AKAP7: variants seen among roughly 807,000 people sequenced by gnomAD.
AKAP7 encodes A kinase (PRKA) anchor protein 7.
Under a neutral mutation model 39.5 loss-of-function variants are expected in AKAP7, and 39 were observed. That is an observed-to-expected ratio of 0.99 (90% CI 0.76 to 1.29). AKAP7 has a LOEUF of 1.29. Among genes scored for constraint, AKAP7 ranks in the 50% most tolerant of loss-of-function variants. The pLI, the probability that AKAP7 is intolerant of heterozygous loss-of-function variation, is 0.00. For synonymous variants in AKAP7, 140 were observed against 139.1 expected, an observed-to-expected ratio of 1.01 and a Z score of -0.05; for missense variants, 414 against 407.7, an observed-to-expected ratio of 1.02 and a Z score of -0.13.
chr6:131,269,705 A>C lies in AKAP7; in HGVS notation c.851-11825A>C, dbSNP rs1175211048. On this transcript the variant is annotated intron_variant, in intron 7 of 7. Transcript: ENST00000431975. ...CCAACTTAGTTTGTACTCTCTGAGC[A>C]GATTGGGGCAGATGATACCTGTCTG... is the stretch of plus-strand genomic sequence containing the variant. Among the ~76,000 whole-genome samples, 3 of 152,368 alleles carry C rather than the reference A, an allele frequency of 2.0e-5. No homozygotes were observed. The East Asian group carries it at 5.8e-4, about 29-fold the overall frequency.
At chr6:131,184,429 T>G (rs1271276191) in intron 5 of AKAP7, 1 of 660,256 alleles carries the variant, frequency 1.5e-6, no homozygotes, top group Non-Finnish European at 2.9e-6. Context: ...ATGGACGGAG[T>G]GAGACAGTAC....
chr6:131,262,682 C>CTA (rs1235196959), intron 7 of AKAP7, among the ~76,000 whole-genome samples: 63 of 152,054 alleles, frequency 4.1e-4, no homozygotes, highest in African/African-American at 1.4e-3. Flanking sequence ...AAAACTCTCA[C>CTA]CTAGATCAAT....
intron 7 of AKAP7, among the ~76,000 whole-genome samples, chr6:131,271,073 G>T (rs1407169674): frequency 6.6e-6 from 1 of 152,112 alleles, no homozygotes; most frequent in Admixed American, 6.6e-5. Flanking sequence ...ACATTTTGAT[G>T]AAGTTCAATT....
At chr6:131,219,039 C>T (rs920951420) in intron 6 of AKAP7, among the ~76,000 whole-genome samples, 2 of 152,042 alleles carry the variant, frequency 1.3e-5, no homozygotes, top group Non-Finnish European at 2.9e-5. Flanking sequence ...GAGGCCGAGG[C>T]GGGTAGATCT....
intron 5 of AKAP7, among the ~76,000 whole-genome samples, chr6:131,195,006 CTT>C (rs1449224517): frequency 1.3e-5 from 2 of 151,996 alleles, no homozygotes; most frequent in African/African-American, 4.8e-5. Context: ...CACTCTGTGT[CTT>C]TTTATTGGAG....
chr6:131,158,453 C>T (rs965985279), intron 2 of AKAP7, among the ~76,000 whole-genome samples: 1 of 152,052 alleles, frequency 6.6e-6, no homozygotes, highest in Non-Finnish European at 1.5e-5. Flanking sequence ...AAAATAACAC[C>T]TCAGAAAATA....
intron 5 of AKAP7, among the ~76,000 whole-genome samples, chr6:131,196,866 C>T (rs995677130): frequency 4.6e-5 from 7 of 152,090 alleles, no homozygotes; most frequent in African/African-American, 1.7e-4. Context: ...ATGTATAGTG[C>T]ATTTGTTATT....
chr6:131,228,096 G>A (rs1247447812), intron 7 of AKAP7, among the ~76,000 whole-genome samples: 1 of 152,234 alleles, frequency 6.6e-6, no homozygotes, highest in African/African-American at 2.4e-5. Flanking sequence ...GGGCAGAGAT[G>A]AGTTGCCCAC....
At chr6:131,214,733 AT>A (rs1808986912) in intron 6 of AKAP7, among the ~76,000 whole-genome samples, 1 of 152,214 alleles carries the variant, frequency 6.6e-6, no homozygotes, top group Non-Finnish European at 1.5e-5. Flanking sequence ...GTATTTTAGA[AT>A]GCTAGGGATT....
At chr6:131,185,189 G>A (rs1467913277) in intron 5 of AKAP7, 1 of 498,760 alleles carries the variant, frequency 2.0e-6, no homozygotes, top group Non-Finnish European at 3.8e-6. Flanking sequence ...TGGGGTCTGT[G>A]TCTGGCTTAA....
upstream of AKAP7, among the ~76,000 whole-genome samples, chr6:131,131,650 C>T (rs563330180): frequency 2.0e-5 from 3 of 152,020 alleles, no homozygotes; most frequent in African/African-American, 4.8e-5. Context: ...CTTCTAGTGG[C>T]GTAAAGTCTA....
chr6:131,145,582 T>C (rs896600771), intron 2 of AKAP7, among the ~76,000 whole-genome samples, 166 bp downstream of exon 2: 26 of 152,224 alleles, frequency 1.7e-4, no homozygotes, highest in African/African-American at 6.3e-4. Context: ...ACAGTCTTGC[T>C]CTGTCATCTA....
intron 7 of AKAP7, among the ~76,000 whole-genome samples, chr6:131,279,156 G>C (rs1013235261): frequency 6.6e-6 from 1 of 152,166 alleles, no homozygotes; most frequent in East Asian, 1.9e-4. Context: ...TAATTAAGGG[G>C]GTTAATGAGG....
chr6:131,168,554 T>C (rs749413187), intron 4 of AKAP7, among the ~76,000 whole-genome samples: 1 of 152,172 alleles, frequency 6.6e-6, no homozygotes, highest in Non-Finnish European at 1.5e-5. Flanking sequence ...AAAGTATATA[T>C]GGCAAACTTA....
intron 7 of AKAP7, among the ~76,000 whole-genome samples, chr6:131,276,327 C>G (rs1814738900): frequency 6.6e-6 from 1 of 152,016 alleles, no homozygotes; most frequent in Non-Finnish European, 1.5e-5. Flanking sequence ...TGCAGGAACT[C>G]TGTTTCCTGG....
At chr6:131,186,035 T>C (rs1449828235) in intron 5 of AKAP7, among the ~76,000 whole-genome samples, 2 of 152,204 alleles carry the variant, frequency 1.3e-5, no homozygotes, top group Non-Finnish European at 2.9e-5. Flanking sequence ...CTTTTGCATG[T>C]GGATATCCAG....
chr6:131,168,092 A>G (rs1269779747), intron 4 of AKAP7, among the ~76,000 whole-genome samples: 1 of 152,212 alleles, frequency 6.6e-6, no homozygotes, highest in African/African-American at 2.4e-5. Context: ...GTCCAATTCA[A>G]TAATATTGTA....
intron 7 of AKAP7, among the ~76,000 whole-genome samples, chr6:131,238,813 G>T (rs924302048): frequency 6.6e-6 from 1 of 152,144 alleles, no homozygotes; most frequent in African/African-American, 2.4e-5. Flanking sequence ...CTGCATGTGA[G>T]ATGGGTTTTC....
intron 7 of AKAP7, among the ~76,000 whole-genome samples, chr6:131,247,168 T>A (rs1296307446): frequency 6.6e-6 from 1 of 151,062 alleles, no homozygotes; most frequent in Non-Finnish European, 1.5e-5. Flanking sequence ...CTATCTTTCA[T>A]TATGGTTAAT....
Sources: allele counts gnomAD v4.1 joint callset (sites outside exome capture counted in the v4.1 genomes callset), GRCh38; gene constraint gnomAD v4.1.1; transcripts MANE v1.5; gene names NCBI Gene and HGNC (gene_info 2026-07-23, HGNC 2026-07-21).